The following SNRPB2 variants were observed in gnomAD, a reference collection of about 807,000 sequenced individuals.
SNRPB2 encodes the protein small nuclear ribonucleoprotein polypeptide B2.
A neutral mutation model predicts 26.3 loss-of-function variants in SNRPB2; 16 were observed. The ratio of observed to expected loss-of-function variants is 0.61; its 90% CI spans 0.41 to 0.92. The LOEUF (loss-of-function observed/expected upper bound fraction) is 0.92. SNRPB2 is among the 40% of genes least tolerant of loss of function. The pLI, the probability that SNRPB2 is intolerant of heterozygous loss-of-function variation, is 0.00. For synonymous variants in SNRPB2, 75 were observed against 89.0 expected (o/e 0.84, Z 0.88); for missense variants, 179 against 268.1 (o/e 0.67, Z 2.32).
rs1039832491 is a variant in SNRPB2 at position 16,741,673 on chromosome 20, C to T, written c.*668C>T. The T allele has an allele frequency of 2.6e-5, 4 of 152,140 alleles. No homozygotes were observed. The highest frequency in any genetic ancestry group is 1.3e-4 in the Admixed American group (2 of 15,268). 9.4% of individuals were successfully genotyped at this position (152,140 alleles called of 1,614,324 possible). ...GCAGGACTGTTCTAAGGTTAATATG[C>T]AATCTCTTTATTGAAAGACCTCCAG... On this transcript the variant is annotated 3_prime_UTR_variant, in exon 7 of 7. Coordinates refer to ENST00000246071, the MANE Select transcript of SNRPB2 (RefSeq NM_003092.5).
Position 16,735,298 on chromosome 20 carries a change from A to AAGTAATTTGTACAGATTACTACAAAGT in SNRPB2, c.238-1951_238-1925dup, listed in dbSNP as rs1555818093. On this transcript the variant is annotated intron_variant, in intron 3 of 6. Coordinates refer to ENST00000246071, the MANE Select transcript of SNRPB2 (RefSeq NM_003092.5). ...AAATTTTGCATACCTATTGTATACAAAGTAATTTGTACAGATTACTACAAA... is the reference window on the plus strand; with the variant it reads ...AAATTTTGCATACCTATTGTATACAAAGTAATTTGTACAGATTACTACAAAGTAGTAATTTGTACAGATTACTACAAA... Among the ~76,000 whole-genome samples, 1,495 of 149,746 alleles carry AAGTAATTTGTACAGATTACTACAAAGT rather than the reference A, an allele frequency of 1.0e-2. 9 individuals carry two copies. The highest frequency in any genetic ancestry group is 0.015 in the Non-Finnish European group (1,010 of 67,960).
intron 3 of SNRPB2, among the ~76,000 whole-genome samples, chr20:16,735,579 G>C (rs2072421159): frequency 6.6e-6 from 1 of 152,202 alleles, no homozygotes; most frequent in African/African-American, 2.4e-5. Context: ...CTTGTTACAA[G>C]TGCAGAATCC....
At chr20:16,740,742 G>A in intron 6 of SNRPB2, 104 bp from the exon 7 acceptor site, 1 of 859,116 alleles carries the variant, frequency 1.2e-6, no homozygotes, top group Non-Finnish European at 1.8e-6. Context: ...TTAGAGTATG[G>A]TTATTTTTCT....
Position 16,740,697 on chromosome 20 carries a change from C to T in SNRPB2, c.519-149C>T. ...TGCAGTTCTTCCATGGTATTAATTA[C>T]ACATGAGGCTCTTCCGTCTACTCAG... On this transcript the variant is annotated intron_variant, in intron 6 of 6. Coordinates refer to ENST00000246071, the MANE Select transcript of SNRPB2 (RefSeq NM_003092.5). 5.9e-6 allele frequency: 4 copies of T among 680,046 alleles called. No individual in the cohort carries two copies. The Admixed American group carries it at 1.2e-4, about 21-fold the overall frequency. 42.1% of individuals were successfully genotyped at this position (680,046 alleles called of 1,614,324 possible).
intron 3 of SNRPB2, among the ~76,000 whole-genome samples, chr20:16,736,418 G>A (rs553228315): frequency 2.3e-4 from 35 of 152,016 alleles, no homozygotes; most frequent in African/African-American, 8.4e-4. Context: ...ACTCAGAGCT[G>A]TACATCCAAA....
At chr20:16,738,749 C>T (rs957357578) in intron 4 of SNRPB2, 103 bp from the exon 5 acceptor site, 3 of 714,968 alleles carry the variant, frequency 4.2e-6, no homozygotes, top group Non-Finnish European at 7.5e-6. Context: ...AAGGATATCT[C>T]TTGGAATTAA....
Position 16,737,416 on chromosome 20 carries a change from G to C in SNRPB2, c.378+15G>C, listed in dbSNP as rs1446448358. ...AGCCTGGCCAGGTAAGAAAGACCAA[G>C]AAAGTTCCTGTTTGTATTGGTGTTA... On this transcript the variant is annotated intron_variant, in intron 4 of 6. Transcript: ENST00000246071. 6.4e-7 allele frequency: 1 copy of C among 1,570,766 alleles called. No individual in the cohort carries two copies. The highest frequency in any genetic ancestry group is 8.6e-7 in the Non-Finnish European group (1 of 1,167,656).
chr20:16,736,944 C>T (rs919864737), intron 3 of SNRPB2, among the ~76,000 whole-genome samples: 1 of 152,228 alleles, frequency 6.6e-6, no homozygotes, highest in Non-Finnish European at 1.5e-5. Flanking sequence ...TCCTTTAACA[C>T]TTCAATGCAG....
At chr20:16,739,887 G>A (rs1294564612) in intron 5 of SNRPB2, among the ~76,000 whole-genome samples, 2 of 149,352 alleles carry the variant, frequency 1.3e-5, no homozygotes, top group Non-Finnish European at 3.0e-5. Flanking sequence ...GTTCTCGGTG[G>A]TAATCTTTCT....
At chr20:16,732,823 A>G (rs2072401392) in intron 3 of SNRPB2, among the ~76,000 whole-genome samples, 1 of 152,216 alleles carries the variant, frequency 6.6e-6, no homozygotes, top group Non-Finnish European at 1.5e-5. Context: ...TGGAAATGAA[A>G]TGGTTATGAA....
chr20:16,734,207 AT>A (rs1174573830), intron 3 of SNRPB2, among the ~76,000 whole-genome samples: 1 of 152,132 alleles, frequency 6.6e-6, no homozygotes, highest in Non-Finnish European at 1.5e-5. Context: ...AGTGTATTAG[AT>A]TGATTATTAT....
intron 3 of SNRPB2, 89 bp from the exon 4 acceptor site, chr20:16,737,172 G>A: frequency 4.8e-6 from 5 of 1,038,740 alleles, no homozygotes; most frequent in African/African-American, 1.6e-5. Flanking sequence ...AGCTTGTAGT[G>A]TATTTGCGTA....
intron 1 of SNRPB2, 35 bp from the exon 2 acceptor site, chr20:16,731,632 AG>A: frequency 6.4e-7 from 1 of 1,573,452 alleles, no homozygotes; most frequent in Non-Finnish European, 8.7e-7. Context: ...CTTATGCCAC[AG>A]TCCAGTATAA....
chr20:16,734,076 T>C (rs181305933), intron 3 of SNRPB2, among the ~76,000 whole-genome samples: 187 of 152,324 alleles, frequency 1.2e-3, no homozygotes, highest in African/African-American at 4.3e-3. Flanking sequence ...AGAGCTATTT[T>C]GCTGAGTTGA....
chr20:16,738,164 G>A (rs555992593), intron 4 of SNRPB2, among the ~76,000 whole-genome samples: 2 of 151,962 alleles, frequency 1.3e-5, no homozygotes, highest in Non-Finnish European at 1.5e-5. Context: ...ACTGCTTGGC[G>A]CCATGGTGGC....
At chr20:16,732,916 A>G (rs1260187962) in intron 3 of SNRPB2, among the ~76,000 whole-genome samples, 1 of 152,224 alleles carries the variant, frequency 6.6e-6, no homozygotes, top group African/African-American at 2.4e-5. Flanking sequence ...AGGGACAGAA[A>G]GGAAGTGGGA....
At chr20:16,738,580 T>C (rs941298416) in intron 4 of SNRPB2, among the ~76,000 whole-genome samples, 8 of 152,136 alleles carry the variant, frequency 5.3e-5, no homozygotes, top group African/African-American at 1.4e-4. Flanking sequence ...TTTTCTCTTA[T>C]ATATTTCTCC....
chr20:16,731,660 T>C lies in SNRPB2; in HGVS notation c.-35-8T>C. ...CCAGTATAATTTACTCCTTCCTTTTTATAACAGATTTTTTACTGTCTCCTG... is the reference window on the plus strand; with the variant it reads ...CCAGTATAATTTACTCCTTCCTTTTCATAACAGATTTTTTACTGTCTCCTG... On this transcript the variant is annotated splice_polypyrimidine_tract_variant and splice_region_variant and intron_variant, in intron 1 of 6. Coordinates refer to ENST00000246071, the MANE Select transcript of SNRPB2 (RefSeq NM_003092.5). The C allele has an allele frequency of 6.2e-7, 1 of 1,607,202 alleles. No individual in the cohort carries two copies. Among genetic ancestry groups the C allele is most frequent in the South Asian group, 1.1e-5 (1 of 90,676 alleles).
In SNRPB2 at chr20:16,736,632, G is replaced by A. The variant is rs77243078; in HGVS notation, c.238-629G>A. Among the ~76,000 whole-genome samples the A allele has an allele frequency of 9.7e-3, 1,483 of 152,194 alleles. 44 individuals are homozygous for A. Among genetic ancestry groups the A allele is most frequent in the African/African-American group, 0.033 (1,389 of 41,510 alleles). On this transcript the variant is annotated intron_variant, in intron 3 of 6. Transcript: ENST00000246071. Reference sequence around the variant, plus strand: ...TGGGCCTATTCTATCTGTAAAACAGGATTAGTCTAGAATGGCGATTTTCTT... The same window carrying A: ...TGGGCCTATTCTATCTGTAAAACAGAATTAGTCTAGAATGGCGATTTTCTT...
Sources: gnomAD v4.1 joint callset for allele counts (sites outside exome capture counted in the v4.1 genomes callset) on GRCh38, gnomAD v4.1.1 for gene constraint, MANE v1.5 for transcripts, NCBI Gene and HGNC (gene_info 2026-07-23, HGNC 2026-07-21) for gene names.